The following FCAR variants were observed in gnomAD, a reference collection of about 807,000 sequenced individuals.
The protein encoded by FCAR is immunoglobulin alpha Fc receptor.
FCAR carries 21 observed loss-of-function variants against 27.1 expected under a neutral mutation model. The observed-to-expected ratio is 0.77, with a 90% CI of 0.55 to 1.11. The LOEUF (loss-of-function observed/expected upper bound fraction) is 1.11, where lower values mean the gene tolerates loss of function less well. FCAR is among the 50% of genes most tolerant of loss of function. The pLI is 0.00. For missense variants in FCAR, 404 were observed against 358.4 expected (o/e 1.13, Z -1.03); for synonymous variants, 134 against 135.8 (o/e 0.99, Z 0.09).
intron 2 of FCAR, among the ~76,000 whole-genome samples, chr19:54,881,661 G>A (rs56977452): frequency 0.12 from 17,997 of 151,884 alleles, 1,346 homozygotes; most frequent in African/African-American, 0.21. Context: ...TCACGAGGTC[G>A]GGAGATCGAG....
chr19:54,878,590 T>C lies in FCAR; in HGVS notation c.70+3225T>C, dbSNP rs181695385. Among the ~76,000 whole-genome samples, 131 of 152,146 alleles carry C rather than the reference T, an allele frequency of 8.6e-4. 1 individual carries two copies. The Middle Eastern group carries it at 0.027, about 32-fold the overall frequency. On this transcript the variant is annotated intron_variant, in intron 2 of 4. Transcript: ENST00000355524. ...TCTTTTTGATTCAGCAGTTGGGCTA[T>C]TACACACTCCTTAGCAGATTCCGAC...
chr19:54,883,599 G>A (rs1229772166), intron 2 of FCAR, among the ~76,000 whole-genome samples: 1 of 152,258 alleles, frequency 6.6e-6, no homozygotes, highest in Non-Finnish European at 1.5e-5. Flanking sequence ...ACCTAACGTG[G>A]TGAGTCCTTC....
In FCAR at chr19:54,890,180, C is replaced by T; in HGVS notation, c.*317C>T. ...TGTTGGCCAGGCTGGTCTCGAACTC[C>T]TGACCTCAGGTGATCCACCCACCTT... On this transcript the variant is annotated 3_prime_UTR_variant, in exon 5 of 5. Coordinates refer to ENST00000355524, the MANE Select transcript of FCAR (RefSeq NM_002000.4). The T allele has an allele frequency of 2.8e-6, 1 of 361,904 alleles. No individual in the cohort carries two copies. The highest frequency in any genetic ancestry group is 3.0e-5 in the South Asian group (1 of 33,358). The allele number at this position is 361,904 out of a possible 1,614,324, so 22.4% of individuals were successfully genotyped here.
At chr19:54,883,524 A>T (rs1047805593) in intron 2 of FCAR, among the ~76,000 whole-genome samples, 6 of 152,152 alleles carry the variant, frequency 3.9e-5, no homozygotes, top group African/African-American at 9.7e-5. Flanking sequence ...CTGCAGGCTG[A>T]TGAAATCAGG....
chr19:54,874,478 A>C (rs1473425085), intron 1 of FCAR, among the ~76,000 whole-genome samples, 155 bp downstream of exon 1: 1 of 152,120 alleles, frequency 6.6e-6, no homozygotes, highest in Non-Finnish European at 1.5e-5. Context: ...TGTATCTATA[A>C]CTTTGTCTCT....
At chr19:54,883,755 C>G (rs1344483443) in intron 2 of FCAR, among the ~76,000 whole-genome samples, 1 of 152,064 alleles carries the variant, frequency 6.6e-6, no homozygotes, top group Non-Finnish European at 1.5e-5. Context: ...GAGACTGAGA[C>G]CATCCTGGAT....
chr19:54,886,301 A>ATTTTTTT (rs1317590546), intron 3 of FCAR, among the ~76,000 whole-genome samples: 2 of 17,406 alleles, frequency 1.1e-4, no homozygotes, highest in South Asian at 1.6e-3. Context: ...ATGTATCTTT[A>ATTTTTTT]TTTTTTTTTT....
At chr19:54,874,705 A>AT (rs201352958) in intron 1 of FCAR, among the ~76,000 whole-genome samples, 19,075 of 152,120 alleles carry the variant, frequency 0.13, 1,358 homozygotes, top group African/African-American at 0.2. Flanking sequence ...GGTTACTAGT[A>AT]TTTTGTTGAA....
intron 4 of FCAR, 72 bp downstream of exon 4, chr19:54,888,366 A>AGACGT (rs750908675): frequency 5.7e-6 from 9 of 1,571,178 alleles, no homozygotes; most frequent in Middle Eastern, 1.7e-4. Context: ...AGGAATATGA[A>AGACGT]GACGTGCACT....
In FCAR at chr19:54,888,224, C is replaced by T. The variant is rs775559986; in HGVS notation, c.579C>T (p.Cys193=). Residue 193 remains cysteine (C), a synonymous_variant, in exon 4 of 5, where the codon TGC becomes TGT. Coordinates refer to ENST00000355524, the MANE Select transcript of FCAR (RefSeq NM_002000.4). ...VDLNVSGIYR[C]YGWYNRSPYL... ...TCAATGTCTCAGGGATCTACAGGTG[C>T]TACGGTTGGTACAACAGGAGCCCCT... 51 of 1,614,074 alleles carry T rather than the reference C, an allele frequency of 3.2e-5. No homozygotes were observed. Among genetic ancestry groups the T allele is most frequent in the South Asian group, 2.1e-4 (19 of 91,092 alleles).
chr19:54,880,210 C>G (rs2145862913), intron 2 of FCAR, among the ~76,000 whole-genome samples: 1 of 152,176 alleles, frequency 6.6e-6, no homozygotes, highest in East Asian at 1.9e-4. Flanking sequence ...TATTTGGTCT[C>G]TTTTCATGAT....
chr19:54,885,627 A>G, intron 3 of FCAR, 102 bp downstream of exon 3: 1 of 878,290 alleles, frequency 1.1e-6, no homozygotes, highest in Non-Finnish European at 1.7e-6. Flanking sequence ...AAAAAAATTG[A>G]TGATTGCTTC....
intron 2 of FCAR, among the ~76,000 whole-genome samples, chr19:54,877,549 G>A (rs1416704575): frequency 2.0e-5 from 3 of 151,792 alleles, no homozygotes; most frequent in Admixed American, 6.6e-5. Flanking sequence ...TCTACTCCTC[G>A]ATTTGCTGAT....
intron 2 of FCAR, among the ~76,000 whole-genome samples, chr19:54,883,634 T>C (rs1337159246): frequency 6.6e-6 from 1 of 152,138 alleles, no homozygotes; most frequent in Non-Finnish European, 1.5e-5. Flanking sequence ...TGGAGCCACA[T>C]GATCTGCCAT....
chr19:54,887,362 T>G (rs2066796819), intron 3 of FCAR, among the ~76,000 whole-genome samples: 1 of 152,206 alleles, frequency 6.6e-6, no homozygotes, highest in Admixed American at 6.5e-5. Flanking sequence ...GGTTCACGCC[T>G]GTAATCCCAG....
chr19:54,882,538 A>G (rs1569531987), intron 2 of FCAR, among the ~76,000 whole-genome samples: 1 of 151,398 alleles, frequency 6.6e-6, no homozygotes. Context: ...TCCCGGGTTC[A>G]AGCGATTCTC....
intron 2 of FCAR, among the ~76,000 whole-genome samples, chr19:54,878,900 A>T (rs1322208370): frequency 3.8e-5 from 4 of 104,112 alleles, no homozygotes; most frequent in Non-Finnish European, 5.4e-5. Context: ...TTTTTTTGAG[A>T]TGGAGTCTCA....
chr19:54,878,187 G>T (rs993514072), intron 2 of FCAR, among the ~76,000 whole-genome samples: 1 of 152,182 alleles, frequency 6.6e-6, no homozygotes, highest in Non-Finnish European at 1.5e-5. Context: ...AAAGTGCTGG[G>T]ATTACAGGTG....
chr19:54,881,396 C>T (rs1333530908), intron 2 of FCAR, among the ~76,000 whole-genome samples: 1 of 152,116 alleles, frequency 6.6e-6, no homozygotes, highest in Non-Finnish European at 1.5e-5. Flanking sequence ...AGTGACCTTC[C>T]GTTGCCTCTG....
Sources: gnomAD v4.1 joint callset for allele counts (sites outside exome capture counted in the v4.1 genomes callset) on GRCh38, gnomAD v4.1.1 for gene constraint, MANE v1.5 for transcripts, NCBI Gene and HGNC (gene_info 2026-07-23, HGNC 2026-07-21) for gene names.